Variants in PTPRJ observed in about 807,000 individuals in gnomAD.
The protein encoded by PTPRJ is protein tyrosine phosphatase receptor type J, also known as receptor-type tyrosine-protein phosphatase eta.
PTPRJ carries 129 observed loss-of-function variants against 141.3 expected under a neutral mutation model. The observed-to-expected ratio is 0.91, with a 90% confidence interval of 0.79 to 1.06. The LOEUF is 1.06. Among genes scored for constraint, PTPRJ ranks in the 50% least tolerant of loss-of-function variants. The pLI, the probability that PTPRJ is intolerant of heterozygous loss-of-function variation, is 0.00. For missense variants in PTPRJ, 1,601 were observed against 1,679.7 expected (o/e 0.95, Z 0.82); for synonymous variants, 610 against 640.5 (o/e 0.95, Z 0.72).
chr11:48,066,890 A>C (rs1227806146), intron 1 of PTPRJ, among the ~76,000 whole-genome samples: 1 of 152,134 alleles, frequency 6.6e-6, no homozygotes, highest in African/African-American at 2.4e-5. Context: ...CCAGCCTTCC[A>C]GTCGTATTCT....
At chr11:48,085,797 A>G (rs570174902) in intron 1 of PTPRJ, among the ~76,000 whole-genome samples, 4 of 152,322 alleles carry the variant, frequency 2.6e-5, no homozygotes, top group South Asian at 2.1e-4. Flanking sequence ...TGTGGATCCT[A>G]TAGGCTTCTT....
At chr11:48,047,498 A>AT (rs58387057) in intron 1 of PTPRJ, among the ~76,000 whole-genome samples, 5,538 of 146,628 alleles carry the variant, frequency 0.038, 330 homozygotes, top group African/African-American at 0.13. Context: ...ACCTATGGTA[A>AT]TTTTTTTTTT....
At chr11:48,104,523 G>C (rs1379849659) in intron 1 of PTPRJ, among the ~76,000 whole-genome samples, 1 of 152,166 alleles carries the variant, frequency 6.6e-6, no homozygotes, top group African/African-American at 2.4e-5. Context: ...GGCTTTAGAA[G>C]GATAAAGAGT....
chr11:48,115,122 G>C (rs1856533060), intron 3 of PTPRJ, among the ~76,000 whole-genome samples: 1 of 152,196 alleles, frequency 6.6e-6, no homozygotes, highest in African/African-American at 2.4e-5. Context: ...GAAAGATAAA[G>C]AGGTAGAAAG....
chr11:48,022,922 G>GCC (rs1436172227), intron 1 of PTPRJ, among the ~76,000 whole-genome samples: 2 of 152,282 alleles, frequency 1.3e-5, no homozygotes, highest in Middle Eastern at 3.4e-3. Flanking sequence ...GTGGGGATAG[G>GCC]CCTGGTGGGG....
chr11:48,074,636 T>G (rs566365419), intron 1 of PTPRJ, among the ~76,000 whole-genome samples: 96 of 152,288 alleles, frequency 6.3e-4, no homozygotes, highest in Admixed American at 2.0e-3. Flanking sequence ...AAAAGTCAAT[T>G]ATTGTACTGA....
intron 1 of PTPRJ, among the ~76,000 whole-genome samples, chr11:48,086,373 T>C (rs552744076): frequency 2.3e-3 from 353 of 152,306 alleles, no homozygotes; most frequent in Middle Eastern, 6.8e-3. Context: ...GGTTTCACCA[T>C]GTTGACCAGG....
intron 3 of PTPRJ, 61 bp from the exon 4 acceptor site, chr11:48,120,942 A>G: frequency 7.1e-7 from 1 of 1,417,728 alleles, no homozygotes; most frequent in Non-Finnish European, 9.5e-7. Context: ...TATAGAGCAG[A>G]CCTCACTCTT....
intron 3 of PTPRJ, among the ~76,000 whole-genome samples, chr11:48,117,580 G>GCTCATAC (rs1210388045): frequency 1.2e-5 from 1 of 82,020 alleles, no homozygotes; most frequent in Non-Finnish European, 2.3e-5. Context: ...AAAAAAGCAA[G>GCTCATAC]CTCATACCTC....
chr11:48,069,936 GT>G (rs1476376064), intron 1 of PTPRJ, among the ~76,000 whole-genome samples: 1 of 152,204 alleles, frequency 6.6e-6, no homozygotes, highest in Non-Finnish European at 1.5e-5. Context: ...TGAAAAGTCA[GT>G]GGTGTGGGAG....
intron 22 of PTPRJ, among the ~76,000 whole-genome samples, chr11:48,162,048 A>G (rs1857796819): frequency 6.6e-6 from 1 of 152,042 alleles, no homozygotes; most frequent in Non-Finnish European, 1.5e-5. Context: ...AATTGCTGTT[A>G]CTATGATTAT....
rs771706196 is a variant in PTPRJ at position 48,145,103 on chromosome 11, G to A, written c.2890G>A (p.Val964Ile). 3 of 1,614,126 alleles carry A rather than the reference G, an allele frequency of 1.9e-6. No individual in the cohort carries two copies. Among genetic ancestry groups the A allele is most frequent in the Non-Finnish European group, 2.5e-6 (3 of 1,180,020 alleles). Reference protein sequence around the residue: ...YVSFSRYSDAVSLPQDPGVIC... With the variant: ...YVSFSRYSDAISLPQDPGVIC... Reference sequence around the variant, plus strand: ...GTCCTTCAGTCGCTACTCAGATGCTGTTTCCTTGCCCCAGGATCCAGGTAG... The same window carrying A: ...GTCCTTCAGTCGCTACTCAGATGCTATTTCCTTGCCCCAGGATCCAGGTAG... The change falls in exon 14 of 25, where the codon GTT becomes ATT. Residue 964 changes from valine (V) to isoleucine (I), a missense_variant. Transcript: ENST00000418331.
At position 48,139,640 on chromosome 11, in the gene PTPRJ, C is replaced by T; in HGVS notation, c.2307C>T (p.Ser769=). ...WNNATHLESC[S]SENGTEYRTE... The stretch of plus-strand genomic sequence containing the variant: ...ATGCGACCCACCTGGAGAGCTGCTC[C>T]TCTGAGAATGGCACTGAGTATAGAA... Residue 769 remains serine, a synonymous_variant, in exon 11 of 25, where the codon TCC becomes TCT. Transcript: ENST00000418331. 6.2e-7 allele frequency: 1 copy of T among 1,614,252 alleles called. No individual in the cohort carries two copies. The highest frequency in any genetic ancestry group is 1.1e-5 in the South Asian group (1 of 91,080).
chr11:48,016,871 C>T (rs188541384), intron 1 of PTPRJ, among the ~76,000 whole-genome samples: 1 of 152,164 alleles, frequency 6.6e-6, no homozygotes, highest in East Asian at 1.9e-4. Context: ...TTAATGAATG[C>T]AGAAAACAAG....
intron 1 of PTPRJ, among the ~76,000 whole-genome samples, chr11:48,028,749 C>T (rs1853894312): frequency 2.0e-5 from 3 of 152,170 alleles, no homozygotes; most frequent in African/African-American, 7.2e-5. Flanking sequence ...AGAGATTGTG[C>T]CACTGCACTC....
At chr11:48,005,251 T>C (rs906546311) in intron 1 of PTPRJ, among the ~76,000 whole-genome samples, 2 of 151,752 alleles carry the variant, frequency 1.3e-5, no homozygotes, top group African/African-American at 2.4e-5. Context: ...AGTTCAGTTG[T>C]TTTTAGTATA....
chr11:48,061,774 C>T (rs914461520), intron 1 of PTPRJ, among the ~76,000 whole-genome samples: 3 of 152,114 alleles, frequency 2.0e-5, no homozygotes, highest in Non-Finnish European at 4.4e-5. Flanking sequence ...ACCCCCCCTA[C>T]TTATTACTAA....
chr11:48,046,213 A>AT (rs1423301836), intron 1 of PTPRJ: 1 of 151,978 alleles, frequency 6.6e-6, no homozygotes, highest in African/African-American at 2.4e-5. Context: ...TGTCTGGCTA[A>AT]TTTTTTGTAT....
Position 48,153,834 on chromosome 11 carries a change from A to G in PTPRJ, c.3177A>G (p.Ala1059=). 6.2e-7 allele frequency: 1 copy of G among 1,613,904 alleles called. No homozygotes were observed. The highest frequency in any genetic ancestry group is 8.5e-7 in the Non-Finnish European group (1 of 1,179,798). The change falls in exon 19 of 25, where the codon GCA becomes GCG. Residue 1059 remains alanine (A), a synonymous_variant. Transcript: ENST00000418331. The part of the protein sequence containing the change: ...KLVGISQPKY[A]AELAENRGKN... ...TTGGAATTAGTCAACCTAAATATGC[A>G]GCAGAACTGGCTGAGAATAGAGGAA...
Sources: gnomAD v4.1 joint callset for allele counts (sites outside exome capture counted in the v4.1 genomes callset) on GRCh38, gnomAD v4.1.1 for gene constraint, MANE v1.5 for transcripts, NCBI Gene and HGNC (gene_info 2026-07-23, HGNC 2026-07-21) for gene names.